DSCAM: variants seen among roughly 807,000 people sequenced by gnomAD.
DSCAM encodes the protein DS cell adhesion molecule, also known as cell adhesion molecule DSCAM.
DSCAM carries 47 observed loss-of-function variants against 217.7 expected under a neutral mutation model. The ratio of observed to expected loss-of-function variants is 0.22; its 90% CI spans 0.17 to 0.28. The LOEUF is 0.28. Ranked by LOEUF, DSCAM falls within the 10% of genes least tolerant of loss-of-function variation. DSCAM has a pLI of 1.00. For missense variants in DSCAM, 2,080 were observed against 2,618.3 expected, an observed-to-expected ratio of 0.79 and a Z score of 4.49; for synonymous variants, 1,056 against 1,015.3, an observed-to-expected ratio of 1.04 and a Z score of -0.76.
At chr21:40,376,547 T>TATATAGATATCGATATATCTTATATAG (rs1555911087) in intron 3 of DSCAM, among the ~76,000 whole-genome samples, 1 of 81,494 alleles carries the variant, frequency 1.2e-5, no homozygotes, top group African/African-American at 5.8e-5. Context: ...CGATATATCT[T>TATATAGATATCGATATATCTTATATAG]ATATCGATAT....
At chr21:40,101,456 GTTT>G (rs5843998) in intron 20 of DSCAM, among the ~76,000 whole-genome samples, 1 of 150,372 alleles carries the variant, frequency 6.7e-6, no homozygotes, top group Non-Finnish European at 1.5e-5. Flanking sequence ...GTGGAAGACA[GTTT>G]TTTTTTTCAC....
chr21:40,140,472 T>C (rs11702319), intron 18 of DSCAM, among the ~76,000 whole-genome samples: 11,657 of 152,252 alleles, frequency 0.077, 599 homozygotes, highest in Admixed American at 0.17. Flanking sequence ...TTAGAAAATA[T>C]GGGTGATGTG....
intron 11 of DSCAM, among the ~76,000 whole-genome samples, chr21:40,198,036 G>A (rs1055113556): frequency 4.6e-5 from 7 of 152,086 alleles, no homozygotes; most frequent in Non-Finnish European, 5.9e-5. Flanking sequence ...TGGGGCCTGA[G>A]TCCATTTACA....
chr21:40,816,577 A>C (rs1353647339), intron 1 of DSCAM, among the ~76,000 whole-genome samples: 10 of 152,222 alleles, frequency 6.6e-5, no homozygotes, highest in Admixed American at 6.5e-4. Flanking sequence ...ACTCTGTCTC[A>C]ATAAAAACAA....
intron 3 of DSCAM, among the ~76,000 whole-genome samples, chr21:40,661,348 ACT>A (rs1039588704): frequency 6.6e-6 from 1 of 151,892 alleles, no homozygotes; most frequent in African/African-American, 2.4e-5. Context: ...TAAACATCTG[ACT>A]CTATGTTGGG....
At chr21:40,067,367 C>T (rs753607845) in intron 27 of DSCAM, among the ~76,000 whole-genome samples, 5 of 152,148 alleles carry the variant, frequency 3.3e-5, no homozygotes, top group Admixed American at 2.0e-4. Context: ...AAAGGTTATC[C>T]AGAAAGATCT....
In DSCAM at chr21:40,319,682, T is replaced by C. The variant is rs893046036; in HGVS notation, c.1784-7323A>G. On this transcript the variant is annotated intron_variant, in intron 8 of 32. Coordinates refer to ENST00000400454, the MANE Select transcript of DSCAM (RefSeq NM_001389.5). ...CCTATCATGTCTACACTAATTTACA[T>C]CCCCACCAACACTGTACGGGGTTCC... 2.0e-5 allele frequency among the ~76,000 whole-genome samples: 3 copies of C among 152,260 alleles called. No individual in the cohort carries two copies. The South Asian group carries it at 6.2e-4, about 32-fold the overall frequency.
intron 1 of DSCAM, among the ~76,000 whole-genome samples, chr21:40,765,620 C>T (rs935718453): frequency 2.0e-5 from 3 of 152,114 alleles, no homozygotes; most frequent in African/African-American, 4.8e-5. Flanking sequence ...TGCAGGTAGG[C>T]TATGACCCCG....
chr21:40,425,570 G>C (rs1485140477), intron 3 of DSCAM, among the ~76,000 whole-genome samples: 1 of 149,942 alleles, frequency 6.7e-6, no homozygotes, highest in African/African-American at 2.5e-5. Flanking sequence ...AATTAGCTGG[G>C]CGTGGTGGCG....
intron 11 of DSCAM, 130 bp downstream of exon 11, chr21:40,275,967 G>A: frequency 1.0e-6 from 1 of 959,180 alleles, no homozygotes; most frequent in South Asian, 3.0e-5. Flanking sequence ...TTTAAACCCA[G>A]CTATATCACA....
chr21:40,815,198 A>C (rs1368228522), intron 1 of DSCAM, among the ~76,000 whole-genome samples: 1 of 152,042 alleles, frequency 6.6e-6, no homozygotes, highest in Admixed American at 6.6e-5. Context: ...CAATCTAAAG[A>C]GTGTTTGTAC....
Position 40,201,601 on chromosome 21 carries a change from C to A in DSCAM, c.2357-12363G>T, listed in dbSNP as rs185169036. On this transcript the variant is annotated intron_variant, in intron 11 of 32. Transcript: ENST00000400454. Reference sequence around the variant, plus strand: ...GGATTACAGGCATGCTCCACCATGCCTGGCTGATTTTGTATTTTTAGTAGA... The same window carrying A: ...GGATTACAGGCATGCTCCACCATGCATGGCTGATTTTGTATTTTTAGTAGA... Among the ~76,000 whole-genome samples the A allele has an allele frequency of 2.7e-3, 408 of 152,196 alleles. 6 individuals are homozygous for A. The highest frequency in any genetic ancestry group is 0.02 in the Admixed American group (303 of 15,300).
chr21:40,393,852 T>A (rs1223140976), intron 3 of DSCAM, among the ~76,000 whole-genome samples: 1 of 152,224 alleles, frequency 6.6e-6, no homozygotes, highest in Non-Finnish European at 1.5e-5. Context: ...GTCATTTGAA[T>A]GCTTTAATAC....
At chr21:40,336,948 G>C (rs1169450897) in intron 8 of DSCAM, among the ~76,000 whole-genome samples, 1 of 152,142 alleles carries the variant, frequency 6.6e-6, no homozygotes, top group African/African-American at 2.4e-5. Context: ...AGAATATCTA[G>C]TGATTTGAGG....
rs561294659 is a variant in DSCAM at position 40,309,673 on chromosome 21, C to T, written c.2062+2408G>A. Among the ~76,000 whole-genome samples the T allele has an allele frequency of 2.0e-5, 3 of 152,312 alleles. No individual in the cohort carries two copies. In the South Asian group the frequency reaches 6.2e-4, roughly 32 times the overall value. ...CCTTGTTATTAGGCAAAGCATGATT[C>T]CACTAAAGGTTCTTCTTTATCTCAT... On this transcript the variant is annotated intron_variant, in intron 9 of 32. Transcript: ENST00000400454.
At chr21:40,753,043 A>G (rs991875417) in intron 1 of DSCAM, among the ~76,000 whole-genome samples, 5 of 152,192 alleles carry the variant, frequency 3.3e-5, no homozygotes, top group Non-Finnish European at 7.4e-5. Flanking sequence ...ACCATGTAAC[A>G]GAGTTCAGGG....
At chr21:40,308,354 C>A (rs1381617810) in intron 9 of DSCAM, among the ~76,000 whole-genome samples, 1 of 152,136 alleles carries the variant, frequency 6.6e-6, no homozygotes, top group Non-Finnish European at 1.5e-5. Context: ...TAGTCCTACT[C>A]CTAGGGTGTG....
intron 11 of DSCAM, among the ~76,000 whole-genome samples, chr21:40,247,535 T>C (rs2054282471): frequency 6.6e-6 from 1 of 152,168 alleles, no homozygotes; most frequent in Non-Finnish European, 1.5e-5. Context: ...ATCTTAAAGT[T>C]CCAAAATGAT....
At chr21:40,385,175 T>G (rs968782271) in intron 3 of DSCAM, 22 of 152,218 alleles carry the variant, frequency 1.4e-4, no homozygotes, top group African/African-American at 4.8e-4. Context: ...CAAACTTACA[T>G]AAGTATTTTA....
Sources: allele counts gnomAD v4.1 joint callset (sites outside exome capture counted in the v4.1 genomes callset), GRCh38; gene constraint gnomAD v4.1.1; transcripts MANE v1.5; gene names NCBI Gene and HGNC (gene_info 2026-07-23, HGNC 2026-07-21).